TMEM63C: variants seen among roughly 807,000 people sequenced by gnomAD.
TMEM63C encodes the protein transmembrane protein 63C.
A neutral mutation model predicts 99.2 loss-of-function variants in TMEM63C; 32 were observed. The ratio of observed to expected loss-of-function variants is 0.32; its 90% confidence interval spans 0.24 to 0.43. The LOEUF is 0.43. Ranked by LOEUF, TMEM63C falls within the 20% of genes least tolerant of loss-of-function variation. TMEM63C has a pLI of 1.00. For missense variants in TMEM63C, 826 were observed against 1,053.0 expected, an observed-to-expected ratio of 0.78 and a Z score of 2.98; for synonymous variants, 376 against 397.9, an observed-to-expected ratio of 0.94 and a Z score of 0.66.
Position 77,256,545 on chromosome 14 carries a change from T to G in TMEM63C, c.2240T>G (p.Leu747Arg), listed in dbSNP as rs767806822. ...PTSLLYVATV[L>R]QEPELNLTPA... ...AAGCAGCTGTATGTGGCCACCGTGC[T>G]GCAAGAACCGGAGTTGAATCTGACC... Residue 747 changes from leucine to arginine, a missense_variant, in exon 24 of 24, where the codon CTG becomes CGG. Physicochemically the swap from Leu to Arg is moderately radical, Grantham distance 102. Coordinates refer to ENST00000298351, the MANE Select transcript of TMEM63C (RefSeq NM_020431.4). 6.2e-7 allele frequency: 1 copy of G among 1,614,002 alleles called. No individual in the cohort carries two copies. Among genetic ancestry groups the G allele is most frequent in the South Asian group, 1.1e-5 (1 of 91,088 alleles).
At chr14:77,242,026 A>T (rs1326220876) in intron 13 of TMEM63C, among the ~76,000 whole-genome samples, 1 of 152,254 alleles carries the variant, frequency 6.6e-6, no homozygotes, top group African/African-American at 2.4e-5. Context: ...TACCTCCCTT[A>T]TCAAATCTCA....
At chr14:77,207,671 C>T (rs191812209) in intron 1 of TMEM63C, among the ~76,000 whole-genome samples, 1 of 152,346 alleles carries the variant, frequency 6.6e-6, no homozygotes, top group East Asian at 1.9e-4. Context: ...GGGATACTGA[C>T]TCTTACTTCT....
chr14:77,200,566 G>A (rs916678821), intron 1 of TMEM63C, among the ~76,000 whole-genome samples: 3 of 152,194 alleles, frequency 2.0e-5, no homozygotes, highest in African/African-American at 7.2e-5. Flanking sequence ...GGCAGCCAAC[G>A]TGGCTCTGGC....
At chr14:77,246,462 C>T in intron 17 of TMEM63C, 147 bp from the exon 18 acceptor site, 1 of 727,998 alleles carries the variant, frequency 1.4e-6, no homozygotes, top group Non-Finnish European at 2.4e-6. Context: ...CAGCCCAGCA[C>T]TAAGAAGGAA....
chr14:77,249,283 T>C lies in TMEM63C; in HGVS notation c.1871-8T>C. The C allele has an allele frequency of 6.2e-7, 1 of 1,613,500 alleles. No homozygotes were observed. Among genetic ancestry groups the C allele is most frequent in the African/African-American group, 1.3e-5 (1 of 75,010 alleles). On this transcript the variant is annotated splice_region_variant and splice_polypyrimidine_tract_variant and intron_variant, in intron 20 of 23. Transcript: ENST00000298351. ...GCCACTGAGTAAGTTTCCACCTTTGTCCCCCAGGGTTGCTCTACCTGTGCA... is the reference window on the plus strand; with the variant it reads ...GCCACTGAGTAAGTTTCCACCTTTGCCCCCCAGGGTTGCTCTACCTGTGCA...
At chr14:77,199,760 C>A (rs1050063103) in intron 1 of TMEM63C, among the ~76,000 whole-genome samples, 1 of 152,188 alleles carries the variant, frequency 6.6e-6, no homozygotes. Context: ...AGGGCCTGGA[C>A]TCCTTCACCT....
At chr14:77,234,102 T>C (rs1888994073) in intron 8 of TMEM63C, among the ~76,000 whole-genome samples, 1 of 152,150 alleles carries the variant, frequency 6.6e-6, no homozygotes, top group Admixed American at 6.5e-5. Context: ...CTGGAGGCCA[T>C]ATCAATTTGC....
chr14:77,193,191 C>T (rs138200896), intron 1 of TMEM63C, among the ~76,000 whole-genome samples: 6 of 152,220 alleles, frequency 3.9e-5, no homozygotes, highest in African/African-American at 1.2e-4. Context: ...TTTTGACAAC[C>T]GAATTACAAA....
intron 1 of TMEM63C, among the ~76,000 whole-genome samples, chr14:77,200,747 G>A (rs548446264): frequency 6.6e-6 from 1 of 152,302 alleles, no homozygotes; most frequent in East Asian, 1.9e-4. Context: ...GCATGCCCAG[G>A]TCTCCTCCCG....
intron 20 of TMEM63C, among the ~76,000 whole-genome samples, 160 bp downstream of exon 20, chr14:77,249,032 G>T (rs1297593273): frequency 6.6e-6 from 1 of 152,186 alleles, no homozygotes; most frequent in Non-Finnish European, 1.5e-5. Context: ...AGCTGAGGTT[G>T]GATGGCTGCC....
At chr14:77,221,361 CCCTCCCACTCATGCCTCA>C (rs1261766878) in intron 5 of TMEM63C, among the ~76,000 whole-genome samples, 1 of 76,874 alleles carries the variant, frequency 1.3e-5, no homozygotes, top group Non-Finnish European at 2.3e-5. Flanking sequence ...CTCACGCCTC[CCCTCCCACTCATGCCTCA>C]CCTCCCACTC....
At chr14:77,185,093 C>T (rs1186119302) in intron 1 of TMEM63C, among the ~76,000 whole-genome samples, 1 of 152,198 alleles carries the variant, frequency 6.6e-6, no homozygotes, top group East Asian at 1.9e-4. Flanking sequence ...TAGTAATGCT[C>T]CCCAAAGGGA....
intron 1 of TMEM63C, among the ~76,000 whole-genome samples, chr14:77,202,289 T>TACACACACACAC (rs59017859): frequency 6.9e-4 from 103 of 149,760 alleles, no homozygotes; most frequent in African/African-American, 1.6e-3. Flanking sequence ...CATACTCAGA[T>TACACACACACAC]ACACACACAC....
At chr14:77,210,066 C>T (rs1019121580) in intron 1 of TMEM63C, among the ~76,000 whole-genome samples, 53 of 152,188 alleles carry the variant, frequency 3.5e-4, no homozygotes, top group African/African-American at 1.3e-3. Context: ...AATCTCTCCA[C>T]CCTCTCTCCT....
intron 1 of TMEM63C, among the ~76,000 whole-genome samples, chr14:77,206,469 T>A (rs1888404363): frequency 6.6e-6 from 1 of 152,238 alleles, no homozygotes; most frequent in Non-Finnish European, 1.5e-5. Flanking sequence ...TTGGCTTCGA[T>A]GATGCACCAC....
intron 8 of TMEM63C, among the ~76,000 whole-genome samples, chr14:77,235,039 A>C (rs1324962695): frequency 6.6e-6 from 1 of 152,120 alleles, no homozygotes; most frequent in East Asian, 1.9e-4. Flanking sequence ...TTTCCCTATG[A>C]GTGAAGTGAA....
chr14:77,215,648 G>GT (rs1259116793), intron 2 of TMEM63C, among the ~76,000 whole-genome samples: 1 of 118,754 alleles, frequency 8.4e-6, no homozygotes, highest in Non-Finnish European at 1.9e-5. Context: ...ACTAGAAGCA[G>GT]TAAGGACAGA....
At chr14:77,207,161 G>A (rs1435776684) in intron 1 of TMEM63C, among the ~76,000 whole-genome samples, 1 of 152,216 alleles carries the variant, frequency 6.6e-6, no homozygotes, top group Non-Finnish European at 1.5e-5. Flanking sequence ...CCAGGGTCTG[G>A]AGGACAAGGA....
chr14:77,236,957 ACGCTGCTC>A (rs1889072595), intron 9 of TMEM63C, among the ~76,000 whole-genome samples: 3 of 121,904 alleles, frequency 2.5e-5, no homozygotes, highest in Non-Finnish European at 5.2e-5. Context: ...ACCCTCCTCC[ACGCTGCTC>A]CACCCTCTCA....
Sources: allele counts gnomAD v4.1 joint callset (sites outside exome capture counted in the v4.1 genomes callset), GRCh38; gene constraint gnomAD v4.1.1; transcripts MANE v1.5; gene names NCBI Gene and HGNC (gene_info 2026-07-23, HGNC 2026-07-21).